The following RNLS variants were observed in gnomAD, a reference collection of about 807,000 sequenced individuals.
The protein encoded by RNLS is renalase.
A neutral mutation model predicts 39.8 loss-of-function variants in RNLS; 39 were observed. The ratio of observed to expected loss-of-function variants is 0.98; its 90% CI spans 0.76 to 1.28. RNLS has a LOEUF of 1.28. Among genes scored for constraint, RNLS ranks in the 50% most tolerant of loss-of-function variants. The pLI is 0.00. For missense variants in RNLS, 410 were observed against 413.3 expected, an observed-to-expected ratio of 0.99 and a Z score of 0.07; for synonymous variants, 147 against 150.7, an observed-to-expected ratio of 0.98 and a Z score of 0.18.
At chr10:88,547,287 C>T (rs1002778914) in intron 4 of RNLS, among the ~76,000 whole-genome samples, 4 of 152,176 alleles carry the variant, frequency 2.6e-5, no homozygotes, top group African/African-American at 4.8e-5. Flanking sequence ...AAAGTGGAAA[C>T]ATGTGTGCAA....
chr10:88,226,718 T>G, the RNLS span, among the ~76,000 whole-genome samples: 1 of 150,092 alleles, frequency 6.7e-6, no homozygotes, highest in African/African-American at 2.5e-5. Context: ...CTTCTCTGAA[T>G]TAAAATTCTT....
rs115763228 is a variant in RNLS at position 88,343,704 on chromosome 10, T to C, written c.700+18848A>G. On this transcript the variant is annotated intron_variant, in intron 5 of 6. Coordinates refer to ENST00000331772, the MANE Select transcript of RNLS (RefSeq NM_001031709.3). Reference sequence around the variant, plus strand: ...GAGACTGCATATATTTCAGGATCTGTTTGGGAGAAGATTTTCTTTGGCCGA... The same window carrying C: ...GAGACTGCATATATTTCAGGATCTGCTTGGGAGAAGATTTTCTTTGGCCGA... 1,005 of 985,404 alleles carry C rather than the reference T, an allele frequency of 1.0e-3. 5 individuals carry two copies. In the African/African-American group the frequency reaches 0.014, roughly 14 times the overall value. The allele number at this position is 985,404 out of a possible 1,614,324, so 61.0% of individuals were successfully genotyped here.
At chr10:88,538,819 A>G (rs1195558465) in intron 4 of RNLS, among the ~76,000 whole-genome samples, 1 of 152,022 alleles carries the variant, frequency 6.6e-6, no homozygotes, top group African/African-American at 2.4e-5. Flanking sequence ...GAAGGAAGTT[A>G]TAACATCTAC....
the RNLS span, among the ~76,000 whole-genome samples, chr10:88,258,202 C>T: frequency 6.6e-6 from 1 of 152,156 alleles, no homozygotes. Context: ...TGCAATTATA[C>T]AGGGCATAAA....
downstream of RNLS, among the ~76,000 whole-genome samples, chr10:88,270,952 A>C (rs1842633224): frequency 6.6e-6 from 1 of 152,184 alleles, no homozygotes; most frequent in South Asian, 2.1e-4. Context: ...TCGCAGGCTG[A>C]GGTGGCTTCC....
the RNLS span, among the ~76,000 whole-genome samples, chr10:88,201,998 C>T: frequency 6.6e-6 from 1 of 151,990 alleles, no homozygotes; most frequent in Admixed American, 6.6e-5. Context: ...CACATGCACA[C>T]GTATGTTTAT....
intron 3 of RNLS, among the ~76,000 whole-genome samples, chr10:88,576,171 T>C (rs1850194865): frequency 6.6e-6 from 1 of 152,226 alleles, no homozygotes; most frequent in African/African-American, 2.4e-5. Context: ...TCACTCTTTC[T>C]TCTTAACATT....
chr10:88,459,671 A>G (rs1172514909), intron 4 of RNLS, among the ~76,000 whole-genome samples: 1 of 152,130 alleles, frequency 6.6e-6, no homozygotes, highest in Non-Finnish European at 1.5e-5. Context: ...TTTCCCTTCC[A>G]CTGCTTGGAA....
intron 4 of RNLS, among the ~76,000 whole-genome samples, chr10:88,388,156 G>C (rs1004336782): frequency 1.3e-5 from 2 of 152,148 alleles, no homozygotes; most frequent in Non-Finnish European, 2.9e-5. Context: ...AGTTGCTCAA[G>C]CTAAGAACCT....
intron 4 of RNLS, among the ~76,000 whole-genome samples, chr10:88,437,683 G>C (rs1484773710): frequency 2.0e-5 from 3 of 152,060 alleles, no homozygotes; most frequent in Non-Finnish European, 4.4e-5. Flanking sequence ...CATTTTCAGG[G>C]AATAGAGGGA....
At position 88,284,161 on chromosome 10, in the gene RNLS, AG is replaced by A; in HGVS notation, c.*1192del. The A allele has an allele frequency of 9.1e-6, 9 of 985,314 alleles. No individual in the cohort carries two copies. Among genetic ancestry groups the A allele is most frequent in the Non-Finnish European group, 9.6e-6 (8 of 829,836 alleles). The allele number at this position is 985,314 out of a possible 1,614,324, so 61.0% of individuals were successfully genotyped here. The stretch of plus-strand genomic sequence containing the variant: ...GAGGAAACATATAATAATATGCTAT[AG>A]GGTCATAAAACCCACTTTGCAGCTA... On this transcript the variant is annotated 3_prime_UTR_variant, in exon 7 of 7. Coordinates refer to ENST00000331772, the MANE Select transcript of RNLS (RefSeq NM_001031709.3).
intron 3 of RNLS, among the ~76,000 whole-genome samples, chr10:88,576,054 T>C (rs1410249511): frequency 6.6e-6 from 1 of 152,174 alleles, no homozygotes; most frequent in African/African-American, 2.4e-5. Context: ...CAGGTACCCA[T>C]GAAAATATCA....
intron 5 of RNLS, among the ~76,000 whole-genome samples, chr10:88,322,417 T>A (rs776521019): frequency 6.6e-6 from 1 of 152,126 alleles, no homozygotes; most frequent in Non-Finnish European, 1.5e-5. Context: ...GTAATCCCCA[T>A]GTGTCGGGGG....
chr10:88,189,675 T>C, the RNLS span, among the ~76,000 whole-genome samples: 1 of 152,204 alleles, frequency 6.6e-6, no homozygotes, highest in Non-Finnish European at 1.5e-5. Context: ...CAATAAGTAT[T>C]TGCTAACTGA....
the RNLS span, among the ~76,000 whole-genome samples, chr10:88,235,187 G>A: frequency 1.4e-5 from 2 of 141,444 alleles, no homozygotes; most frequent in South Asian, 4.5e-4. Flanking sequence ...AGAATGGCGT[G>A]AACGCGGGAG....
intron 4 of RNLS, among the ~76,000 whole-genome samples, chr10:88,530,529 A>G (rs1170642036): frequency 6.6e-6 from 1 of 152,136 alleles, no homozygotes; most frequent in Non-Finnish European, 1.5e-5. Context: ...TACTCGTTCA[A>G]CATATGTATA....
chr10:88,173,912 C>T, the RNLS span, among the ~76,000 whole-genome samples: 2 of 152,008 alleles, frequency 1.3e-5, no homozygotes, highest in African/African-American at 4.8e-5. Context: ...GCAGTACACA[C>T]TGAACCCAGT....
chr10:88,288,199 C>T (rs974951393), intron 6 of RNLS, among the ~76,000 whole-genome samples: 3 of 152,110 alleles, frequency 2.0e-5, no homozygotes, highest in Admixed American at 6.6e-5. Context: ...CCATTTAATT[C>T]ACATAGCAAC....
chr10:88,214,829 A>G, the RNLS span, among the ~76,000 whole-genome samples: 1 of 152,202 alleles, frequency 6.6e-6, no homozygotes, highest in Non-Finnish European at 1.5e-5. Flanking sequence ...GTATAATTCA[A>G]CTGTTGAAAG....
Sources: gnomAD v4.1 joint callset for allele counts (sites outside exome capture counted in the v4.1 genomes callset) on GRCh38, gnomAD v4.1.1 for gene constraint, MANE v1.5 for transcripts, NCBI Gene and HGNC (gene_info 2026-07-23, HGNC 2026-07-21) for gene names.